The following GRHL1 variants were observed in gnomAD, a reference collection of about 807,000 sequenced individuals.
GRHL1 encodes the protein grainyhead like transcription factor 1.
Under a neutral mutation model 75.7 loss-of-function variants are expected in GRHL1, and 38 were observed. That is an observed-to-expected ratio of 0.50 (90% CI 0.39 to 0.66). GRHL1 has a LOEUF of 0.66. Ranked by LOEUF, GRHL1 falls within the 30% of genes least tolerant of loss-of-function variation. GRHL1 has a pLI of 0.00. For missense variants in GRHL1, 589 were observed against 767.5 expected, an observed-to-expected ratio of 0.77 and a Z score of 2.75; for synonymous variants, 266 against 279.4, an observed-to-expected ratio of 0.95 and a Z score of 0.48.
At chr2:9,976,458 C>G (rs1667951283) in intron 8 of GRHL1, among the ~76,000 whole-genome samples, 1 of 152,108 alleles carries the variant, frequency 6.6e-6, no homozygotes. Context: ...TGTCTCCAAT[C>G]CATGGGGTCT....
chr2:9,977,140 T>A (rs1667980303), intron 8 of GRHL1, among the ~76,000 whole-genome samples: 1 of 152,246 alleles, frequency 6.6e-6, no homozygotes, highest in South Asian at 2.1e-4. Flanking sequence ...ATTAGCTCTT[T>A]TTATTGTTTG....
At position 9,992,167 on chromosome 2, in the gene GRHL1, G is replaced by A; in HGVS notation, c.1461+21G>A. ...CTCATGTAGGTAACCAGGATCCCAG[G>A]GGAGGTTACCAGGAAGGAAGGCATG... On this transcript the variant is annotated intron_variant, in intron 11 of 15. Transcript: ENST00000324907. The surrounding 1 kb of genome is among the most constrained non-coding windows in gnomAD (Gnocchi z 4.6). 1 of 1,602,404 alleles carries A rather than the reference G, an allele frequency of 6.2e-7. No homozygotes were observed. Among genetic ancestry groups the A allele is most frequent in the Non-Finnish European group, 8.5e-7 (1 of 1,175,136 alleles).
rs1327625995 is a variant in GRHL1, at chr2:9,958,824, G to T, written c.246G>T (p.Glu82Asp). The change falls in exon 3 of 16, where the codon GAG (glutamate) becomes GAT (aspartate). Residue 82 changes from glutamate (E) to aspartate (D), a missense_variant. Physicochemically the swap from Glu to Asp is conservative, Grantham distance 45. This residue lies in a region of GRHL1 where 362 missense variants were observed against 461.8 expected (regional missense o/e 0.78). Transcript: ENST00000324907. Reference protein sequence around the residue: ...RERRSSTAKPEVEHPEPDHSK... With the variant: ...RERRSSTAKPDVEHPEPDHSK... ...GAAGGTCATCAACAGCAAAGCCAGA[G>T]GTGGAGCACCCTGAGCCAGATCACA... 1 of 1,613,800 alleles carries T rather than the reference G, an allele frequency of 6.2e-7. No individual in the cohort carries two copies. The highest frequency in any genetic ancestry group is 8.5e-7 in the Non-Finnish European group (1 of 1,179,740).
chr2:9,958,919 A>C, intron 3 of GRHL1, 63 bp downstream of exon 3: 1 of 1,587,482 alleles, frequency 6.3e-7, no homozygotes, highest in Non-Finnish European at 8.6e-7. Context: ...CTGTAACAGC[A>C]AAATGGGAGT....
At chr2:9,991,789 T>A (rs1013572450) in intron 10 of GRHL1, among the ~76,000 whole-genome samples, 10 of 152,348 alleles carry the variant, frequency 6.6e-5, no homozygotes, top group African/African-American at 2.4e-4. Context: ...TTTTCCCTTT[T>A]GATTTGATAA....
chr2:9,962,854 A>G (rs895270061), intron 5 of GRHL1, among the ~76,000 whole-genome samples: 2 of 152,062 alleles, frequency 1.3e-5, no homozygotes, highest in South Asian at 2.1e-4. Context: ...GTTGCCAAAT[A>G]TATATAATTA....
rs1667259491 is a variant in GRHL1, at chr2:9,961,299, G to A, written c.532G>A (p.Glu178Lys). 1 of 1,614,010 alleles carries A rather than the reference G, an allele frequency of 6.2e-7. No individual in the cohort carries two copies. Among genetic ancestry groups the A allele is most frequent in the Admixed American group, 1.7e-5 (1 of 60,002 alleles). ...AATCCCCCCAGCAGTGTATCATCCT[G>A]AGCCCACTGAGCGGGTGGTGGTTTT... is the stretch of plus-strand genomic sequence containing the variant. Reference protein sequence around the residue: ...VGIPPAVYHPEPTERVVVFDR... With the variant: ...VGIPPAVYHPKPTERVVVFDR... Residue 178 changes from glutamate to lysine, a missense_variant, in exon 4 of 16, where the codon GAG becomes AAG. Around this residue, in one of 5 missense-constraint regions of GRHL1, gnomAD observed 362 missense variants for 461.8 expected, o/e 0.78. Coordinates refer to ENST00000324907, the MANE Select transcript of GRHL1 (RefSeq NM_198182.3).
chr2:9,963,821 A>G, intron 5 of GRHL1, 65 bp from the exon 6 acceptor site: 1 of 1,077,340 alleles, frequency 9.3e-7, no homozygotes. Context: ...GCTATTTATA[A>G]TATGATGTAT....
intron 3 of GRHL1, chr2:9,959,822 A>G (rs912225520): frequency 6.6e-6 from 1 of 152,298 alleles, no homozygotes; most frequent in South Asian, 2.1e-4. Flanking sequence ...TATCCTTACA[A>G]TTGCTGCTAT....
At chr2:9,998,712 A>ATATACAT (rs1669075969) in intron 14 of GRHL1, among the ~76,000 whole-genome samples, 1 of 68,828 alleles carries the variant, frequency 1.5e-5, no homozygotes, top group South Asian at 3.9e-4. Flanking sequence ...ATATACATAT[A>ATATACAT]TATGTACACA....
rs779247482 is a variant in GRHL1, at chr2:9,986,290, C to T, written c.1269+8C>T. The T allele has an allele frequency of 1.2e-5, 19 of 1,607,204 alleles. No homozygotes were observed. The highest frequency in any genetic ancestry group is 1.7e-4 in the Middle Eastern group (1 of 5,912). ...AAGGTCTTCTGTGACAAGGTAAGAT[C>T]GGCAGGGATGCTTGGAACAAGTGTT... On this transcript the variant is annotated splice_region_variant and intron_variant, in intron 9 of 15. Transcript: ENST00000324907.
At chr2:9,964,086 A>G in intron 6 of GRHL1, 44 bp downstream of exon 6, 3 of 1,571,498 alleles carry the variant, frequency 1.9e-6, no homozygotes, top group Non-Finnish European at 1.7e-6. Flanking sequence ...AGCTAGTCAG[A>G]GCCTAACATT....
intron 8 of GRHL1, among the ~76,000 whole-genome samples, chr2:9,979,914 A>T (rs1668120987): frequency 6.6e-6 from 1 of 152,224 alleles, no homozygotes; most frequent in African/African-American, 2.4e-5. Flanking sequence ...ATTTAAAAAT[A>T]TTTCTATAAT....
chr2:9,962,405 A>G (rs371096597), intron 4 of GRHL1, 50 bp from the exon 5 acceptor site: 151 of 1,022,128 alleles, frequency 1.5e-4, no homozygotes, highest in Admixed American at 3.4e-4. Context: ...GGTCTTTAGT[A>G]AGCATGATAA....
At chr2:9,996,486 C>G in intron 14 of GRHL1, 85 bp downstream of exon 14, 1 of 960,750 alleles carries the variant, frequency 1.0e-6, no homozygotes, top group Non-Finnish European at 1.7e-6. Flanking sequence ...ATCAGATGAT[C>G]CAAATCCTTT....
chr2:9,972,396 G>A (rs1667764578), intron 8 of GRHL1, among the ~76,000 whole-genome samples: 2 of 151,974 alleles, frequency 1.3e-5, no homozygotes, highest in Admixed American at 1.3e-4. Context: ...CTAAAGCAGA[G>A]AGCTGGACTG....
chr2:9,958,246 C>G (rs906738011), intron 2 of GRHL1, among the ~76,000 whole-genome samples: 8 of 149,820 alleles, frequency 5.3e-5, no homozygotes, highest in Non-Finnish European at 1.0e-4. Flanking sequence ...GGCGCAATCT[C>G]TGCTCACTGT....
intron 14 of GRHL1, among the ~76,000 whole-genome samples, chr2:9,998,448 G>GTGTGTGTGTGTGTT (rs1553306800): frequency 7.0e-5 from 5 of 71,158 alleles, no homozygotes; most frequent in Admixed American, 1.8e-4. Context: ...GTGTGTGTGT[G>GTGTGTGTGTGTGTT]TATATATATA....
intron 8 of GRHL1, among the ~76,000 whole-genome samples, chr2:9,976,159 T>C (rs1277876829): frequency 6.6e-6 from 1 of 152,130 alleles, no homozygotes; most frequent in Non-Finnish European, 1.5e-5. Context: ...GCTCTTGGAA[T>C]GGAAAGATGA....
Sources: gnomAD v4.1 joint callset for allele counts (sites outside exome capture counted in the v4.1 genomes callset) on GRCh38, gnomAD v4.1.1 for gene constraint, gnomAD v4.1.1 regional missense constraint, Gnocchi (gnomAD v3.1) non-coding constraint, MANE v1.5 for transcripts, NCBI Gene and HGNC (gene_info 2026-07-23, HGNC 2026-07-21) for gene names.